Variants in SPHKAP observed in about 807,000 individuals in gnomAD.
The protein encoded by SPHKAP is SPHK1 interactor, AKAP domain containing.
A neutral mutation model predicts 137.5 loss-of-function variants in SPHKAP; 67 were observed. The ratio of observed to expected loss-of-function variants is 0.49; its 90% CI spans 0.40 to 0.60. The LOEUF is 0.60. Among genes scored for constraint, SPHKAP ranks in the 20% least tolerant of loss-of-function variants. The pLI is 0.00. For missense variants in SPHKAP, 2,097 were observed against 2,069.3 expected (o/e 1.01, Z -0.26); for synonymous variants, 813 against 785.3 (o/e 1.04, Z -0.59).
At chr2:228,139,866 A>G (rs946316633) in intron 1 of SPHKAP, among the ~76,000 whole-genome samples, 5 of 142,718 alleles carry the variant, frequency 3.5e-5, no homozygotes, top group African/African-American at 5.0e-5. Context: ...CTAGATGGTT[A>G]CTATAGAAAT....
chr2:228,011,440 G>T (rs1694365132), intron 7 of SPHKAP, among the ~76,000 whole-genome samples: 1 of 152,222 alleles, frequency 6.6e-6, no homozygotes, highest in Non-Finnish European at 1.5e-5. Flanking sequence ...TCAAGGGCAA[G>T]CACAGAGTCA....
chr2:228,018,747 C>A lies in SPHKAP; in HGVS notation c.2107G>T (p.Asp703Tyr). The A allele has an allele frequency of 1.9e-6, 3 of 1,614,148 alleles. No individual in the cohort carries two copies. In the South Asian group the frequency reaches 3.3e-5, roughly 18 times the overall value. ...TGATTTGTACTTTCCATTAAGGTGTCCAGAATTTCAGATGAATGCCTGTTG... is the reference window on the plus strand; with the variant it reads ...TGATTTGTACTTTCCATTAAGGTGTACAGAATTTCAGATGAATGCCTGTTG... ...NDNRHSSEIL[D>Y]TLMESTNQLL... Residue 703 changes from aspartate (D) to tyrosine (Y), a missense_variant, in exon 7 of 12, where the codon GAC (aspartate) becomes TAC (tyrosine). Transcript: ENST00000392056.
chr2:228,060,758 T>G (rs371800334), intron 3 of SPHKAP, among the ~76,000 whole-genome samples: 1 of 152,036 alleles, frequency 6.6e-6, no homozygotes, highest in African/African-American at 2.4e-5. Context: ...ACAGAGAGCC[T>G]GATGAGGGGC....
At chr2:228,171,868 G>A (rs1363198172) in intron 1 of SPHKAP, among the ~76,000 whole-genome samples, 1 of 152,050 alleles carries the variant, frequency 6.6e-6, no homozygotes, top group Non-Finnish European at 1.5e-5. Flanking sequence ...TACTCCTATT[G>A]ACATGCTACC....
chr2:228,109,222 G>T (rs1056032662), intron 2 of SPHKAP: 4 of 278,698 alleles, frequency 1.4e-5, no homozygotes, highest in Non-Finnish European at 2.2e-5. Flanking sequence ...TGCATAATTT[G>T]CAATCAAATG....
At chr2:227,982,047 G>C (rs1011344) in intron 11 of SPHKAP, 187 bp from the exon 12 acceptor site, 727,718 of 981,270 alleles carry the variant, frequency 0.74, 270,370 homozygotes, top group African/African-American at 0.82. Flanking sequence ...ACTTCATCAA[G>C]TGAATTTTTT....
chr2:228,078,437 C>A (rs1697253513), intron 3 of SPHKAP, among the ~76,000 whole-genome samples: 1 of 148,938 alleles, frequency 6.7e-6, no homozygotes, highest in Non-Finnish European at 1.5e-5. Context: ...AACATACACA[C>A]CGTAAGGCCT....
At position 228,001,408 on chromosome 2, in the gene SPHKAP, A is replaced by AAT. The variant is rs1001526884; in HGVS notation, c.4449-5716_4449-5715dup. ...ACACATATATAAATATATATACATA[A>AAT]ATATATATAAATATATACATATATA... On this transcript the variant is annotated intron_variant, in intron 7 of 11. Coordinates refer to ENST00000392056, the MANE Select transcript of SPHKAP (RefSeq NM_001142644.2). 7.1e-5 allele frequency among the ~76,000 whole-genome samples: 10 copies of AAT among 141,078 alleles called. No homozygotes were observed. In the Admixed American group the frequency reaches 7.5e-4, roughly 11 times the overall value. The allele number at this position is 141,078 out of a possible 152,430, so 92.6% of individuals were successfully genotyped here. A position where few individuals can be genotyped will look rare whatever the true frequency, so the allele number is the denominator to read the frequency against.
chr2:228,080,140 T>C (rs1457134444), intron 3 of SPHKAP, among the ~76,000 whole-genome samples: 1 of 151,706 alleles, frequency 6.6e-6, no homozygotes, highest in Non-Finnish European at 1.5e-5. Context: ...TACATCAAAC[T>C]AAAAAGCTTC....
intron 3 of SPHKAP, among the ~76,000 whole-genome samples, chr2:228,104,326 A>C (rs1698273211): frequency 6.9e-6 from 1 of 145,914 alleles, no homozygotes; most frequent in South Asian, 2.1e-4. Context: ...ATATAATATT[A>C]AATAATTTAA....
intron 1 of SPHKAP, among the ~76,000 whole-genome samples, chr2:228,135,182 G>A (rs1187246960): frequency 1.3e-5 from 2 of 149,672 alleles, no homozygotes; most frequent in African/African-American, 2.5e-5. Flanking sequence ...GCTGAGACAG[G>A]AGAATCGCTT....
chr2:228,077,086 G>A (rs1394227692), intron 3 of SPHKAP, among the ~76,000 whole-genome samples: 1 of 152,226 alleles, frequency 6.6e-6, no homozygotes, highest in African/African-American at 2.4e-5. Flanking sequence ...GCTTCCACAT[G>A]ATGTTGAGTC....
At chr2:228,085,027 G>A (rs1697494518) in intron 3 of SPHKAP, among the ~76,000 whole-genome samples, 1 of 152,154 alleles carries the variant, frequency 6.6e-6, no homozygotes. Context: ...GAACAGCAGC[G>A]ATCTGCTGAG....
intron 1 of SPHKAP, among the ~76,000 whole-genome samples, chr2:228,170,124 T>C (rs1018741834): frequency 5.9e-5 from 9 of 152,040 alleles, no homozygotes; most frequent in African/African-American, 2.2e-4. Flanking sequence ...GAATTAAAAA[T>C]GGAGTCTGAA....
intron 3 of SPHKAP, among the ~76,000 whole-genome samples, chr2:228,061,134 G>A (rs1696618307): frequency 6.6e-6 from 1 of 152,206 alleles, no homozygotes; most frequent in African/African-American, 2.4e-5. Context: ...CATAGCATAG[G>A]AATTGGGGAT....
At chr2:228,068,481 T>G (rs1696901676) in intron 3 of SPHKAP, among the ~76,000 whole-genome samples, 1 of 152,198 alleles carries the variant, frequency 6.6e-6, no homozygotes, top group Admixed American at 6.5e-5. Flanking sequence ...CTTCAAATTA[T>G]ACTACAAAGC....
intron 1 of SPHKAP, among the ~76,000 whole-genome samples, chr2:228,141,098 G>A (rs1699592200): frequency 6.6e-6 from 1 of 152,152 alleles, no homozygotes; most frequent in Non-Finnish European, 1.5e-5. Context: ...TTTCCGCTGT[G>A]ATCTCTAACA....
chr2:227,999,069 T>C (rs1417055998), intron 7 of SPHKAP, among the ~76,000 whole-genome samples: 4 of 152,242 alleles, frequency 2.6e-5, no homozygotes, highest in Admixed American at 1.3e-4. Context: ...AGTTCTCATA[T>C]AGAGAGCAGA....
At chr2:228,043,528 T>A in intron 3 of SPHKAP, among the ~76,000 whole-genome samples, 1 of 152,180 alleles carries the variant, frequency 6.6e-6, no homozygotes, top group East Asian at 1.9e-4. Flanking sequence ...GGTTTCACCA[T>A]GTTGGTCAGG....
Sources: allele counts gnomAD v4.1 joint callset (sites outside exome capture counted in the v4.1 genomes callset), GRCh38; gene constraint gnomAD v4.1.1; transcripts MANE v1.5; gene names NCBI Gene and HGNC (gene_info 2026-07-23, HGNC 2026-07-21).